SIK3: variants seen among roughly 807,000 people sequenced by gnomAD.
SIK3 encodes the protein serine/threonine-protein kinase SIK3.
In SIK3, 28 loss-of-function variants were observed where a neutral mutation model predicts 144.2. The observed-to-expected ratio is 0.19, with a 90% CI of 0.14 to 0.27. The LOEUF is 0.27. SIK3 is among the 10% of genes least tolerant of loss of function. The probability of loss-of-function intolerance (pLI) is 1.00; values close to 1 mark genes in which losing one functional copy is unlikely to be tolerated. For missense variants in SIK3, 1,319 were observed against 1,776.0 expected, an observed-to-expected ratio of 0.74 and a Z score of 4.62; for synonymous variants, 686 against 676.3, an observed-to-expected ratio of 1.01 and a Z score of -0.22.
chr11:116,927,081 A>T lies in SIK3; in HGVS notation c.616+138T>A. On this transcript the variant is annotated intron_variant, in intron 4 of 24. Coordinates refer to ENST00000445177, the MANE Select transcript of SIK3 (RefSeq NM_001366686.3). ...TTTAAAGTTTATCAATTTTCAGGCT[A>T]TTTTTTTTTTCATCTTAAATTGTCC... 6 of 557,450 alleles carry T rather than the reference A, an allele frequency of 1.1e-5. No homozygotes were observed. In the South Asian group the frequency reaches 1.4e-4, roughly 13 times the overall value. 34.5% of individuals were successfully genotyped at this position (557,450 alleles called of 1,614,324 possible). A position where few individuals can be genotyped will look rare whatever the true frequency, so the allele number is the denominator to read the frequency against.
In SIK3 at chr11:117,098,172, G is replaced by A; in HGVS notation, c.244C>T (p.Arg82Trp). Reference protein sequence around the residue: ...IGKGNFAVVKRATHLVTKAKV... With the variant: ...IGKGNFAVVKWATHLVTKAKV... Reference sequence around the variant, plus strand: ...GCCTTGGTGACGAGGTGCGTGGCCCGCTTGACCACCGCGAAGTTGCCCTTG... The same window carrying A: ...GCCTTGGTGACGAGGTGCGTGGCCCACTTGACCACCGCGAAGTTGCCCTTG... The change falls in exon 1 of 25, where the codon CGG becomes TGG. Residue 82 changes from arginine (R) to tryptophan (W), a missense_variant. Arg to Trp is a moderately radical substitution (Grantham distance 101). This residue lies in a region of SIK3 where 125 missense variants were observed against 285.2 expected (regional missense o/e 0.44). Coordinates refer to ENST00000445177, the MANE Select transcript of SIK3 (RefSeq NM_001366686.3). The A allele has an allele frequency of 1.3e-6, 2 of 1,518,030 alleles. No individual in the cohort carries two copies. The highest frequency in any genetic ancestry group is 8.8e-7 in the Non-Finnish European group (1 of 1,132,264). 94.0% of individuals were successfully genotyped at this position (1,518,030 alleles called of 1,614,324 possible).
At chr11:117,089,406 CAAA>C (rs61610114) in intron 1 of SIK3, among the ~76,000 whole-genome samples, 5 of 90,422 alleles carry the variant, frequency 5.5e-5, no homozygotes, top group Non-Finnish European at 4.7e-5. Context: ...GACTCCGTCT[CAAA>C]AAAAAAAAAA....
At chr11:117,056,709 G>C (rs867999851) in intron 1 of SIK3, among the ~76,000 whole-genome samples, 2 of 152,106 alleles carry the variant, frequency 1.3e-5, no homozygotes, top group African/African-American at 4.8e-5. Flanking sequence ...GGATGGTCTG[G>C]CCAACTCTTA....
At chr11:116,893,240 T>C (rs929193673) in intron 6 of SIK3, among the ~76,000 whole-genome samples, 3 of 152,182 alleles carry the variant, frequency 2.0e-5, no homozygotes, top group Admixed American at 6.5e-5. Context: ...TGTTCATTGA[T>C]TGTAACAAAC....
intron 1 of SIK3, among the ~76,000 whole-genome samples, chr11:116,982,061 C>A (rs1255329200): frequency 1.3e-5 from 2 of 152,158 alleles, no homozygotes; most frequent in Non-Finnish European, 2.9e-5. Context: ...AGATCCAAGA[C>A]AGTAAGAGGC....
chr11:116,936,036 A>T (rs1947898758), intron 3 of SIK3, among the ~76,000 whole-genome samples: 1 of 152,204 alleles, frequency 6.6e-6, no homozygotes, highest in Non-Finnish European at 1.5e-5. Flanking sequence ...GCACACTGGG[A>T]GGCCAAGAAG....
intron 1 of SIK3, among the ~76,000 whole-genome samples, chr11:117,042,035 T>C (rs1034038071): frequency 2.6e-4 from 40 of 152,276 alleles, no homozygotes; most frequent in African/African-American, 9.6e-4. Flanking sequence ...GTCCTCCTTA[T>C]TTCTCCCAGC....
intron 1 of SIK3, among the ~76,000 whole-genome samples, chr11:117,005,074 T>C (rs906048916): frequency 2.0e-5 from 3 of 152,116 alleles, no homozygotes; most frequent in Non-Finnish European, 4.4e-5. Flanking sequence ...TCCTACTATA[T>C]CATTGAGATC....
intron 1 of SIK3, among the ~76,000 whole-genome samples, chr11:117,075,907 T>C (rs1954507056): frequency 8.5e-6 from 1 of 117,818 alleles, no homozygotes; most frequent in Non-Finnish European, 1.7e-5. Flanking sequence ...TGGAGTGCAA[T>C]GCACGATCTC....
At chr11:117,081,592 C>G (rs1163367501) in intron 1 of SIK3, among the ~76,000 whole-genome samples, 1 of 152,158 alleles carries the variant, frequency 6.6e-6, no homozygotes, top group Non-Finnish European at 1.5e-5. Flanking sequence ...CCACTGCACT[C>G]CAGCGTGGGC....
At chr11:116,986,652 C>G (rs1052825679) in intron 1 of SIK3, among the ~76,000 whole-genome samples, 1 of 152,170 alleles carries the variant, frequency 6.6e-6, no homozygotes, top group Non-Finnish European at 1.5e-5. Context: ...TAACCTCAGG[C>G]ATGTAATAAG....
chr11:117,000,041 G>A (rs940769885), intron 1 of SIK3, among the ~76,000 whole-genome samples: 5 of 152,258 alleles, frequency 3.3e-5, no homozygotes, highest in African/African-American at 1.2e-4. Flanking sequence ...GATTGTGCAT[G>A]ATATGTAAGT....
intron 12 of SIK3, 127 bp from the exon 13 acceptor site, chr11:116,873,763 G>A (rs941953017): frequency 1.0e-5 from 15 of 1,454,498 alleles, no homozygotes; most frequent in Admixed American, 4.7e-5. Context: ...GACGCTTCCC[G>A]CTCACCCGAG....
Position 116,846,053 on chromosome 11 carries a change from G to C in SIK3, c.*13+330C>G, listed in dbSNP as rs957303276. 6.6e-6 allele frequency among the ~76,000 whole-genome samples: 1 copy of C among 152,154 alleles called. No individual in the cohort carries two copies. Among genetic ancestry groups the C allele is most frequent in the African/African-American group, 2.4e-5 (1 of 41,422 alleles). On this transcript the variant is annotated intron_variant, in intron 24 of 24. Transcript: ENST00000445177. The surrounding 1 kb of genome is among the most constrained non-coding windows in gnomAD (Gnocchi z 4.1). ...CCTCCTTTCCTCATTATGCTGACCG[G>C]AGGTCACCTGCATCCTCTGGAGCCG...
chr11:117,045,349 C>A (rs761216169), intron 1 of SIK3, among the ~76,000 whole-genome samples: 6 of 152,122 alleles, frequency 3.9e-5, no homozygotes, highest in Non-Finnish European at 7.3e-5. Context: ...AGAATGTAAG[C>A]CTCATAAGCT....
At chr11:117,018,692 G>T (rs946059849) in intron 1 of SIK3, among the ~76,000 whole-genome samples, 1 of 149,166 alleles carries the variant, frequency 6.7e-6, no homozygotes, top group Non-Finnish European at 1.5e-5. Flanking sequence ...CTGAATTATT[G>T]TATCATTGTT....
chr11:116,936,250 G>T (rs1947914747), intron 3 of SIK3, among the ~76,000 whole-genome samples: 1 of 152,108 alleles, frequency 6.6e-6, no homozygotes, highest in Non-Finnish European at 1.5e-5. Context: ...TGTGATCTCG[G>T]CTCATCACAA....
intron 3 of SIK3, among the ~76,000 whole-genome samples, chr11:116,937,985 A>G (rs993514524): frequency 3.9e-5 from 6 of 152,056 alleles, no homozygotes; most frequent in Non-Finnish European, 5.9e-5. Context: ...CAAGTGGATC[A>G]CTTGAGGCCA....
chr11:117,056,317 C>A (rs921371297), intron 1 of SIK3, among the ~76,000 whole-genome samples: 5 of 151,922 alleles, frequency 3.3e-5, no homozygotes, highest in African/African-American at 1.2e-4. Context: ...TAGGTGGGAA[C>A]TGAACAATGA....
Sources: gnomAD v4.1 joint callset for allele counts (sites outside exome capture counted in the v4.1 genomes callset) on GRCh38, gnomAD v4.1.1 for gene constraint, gnomAD v4.1.1 regional missense constraint, Gnocchi (gnomAD v3.1) non-coding constraint, MANE v1.5 for transcripts, NCBI Gene and HGNC (gene_info 2026-07-23, HGNC 2026-07-21) for gene names.